C2orf42: variants seen among roughly 807,000 people sequenced by gnomAD.
The protein encoded by C2orf42 is chromosome 2 open reading frame 42.
C2orf42 carries 44 observed loss-of-function variants against 58.9 expected under a neutral mutation model. The ratio of observed to expected loss-of-function variants is 0.75; its 90% CI spans 0.59 to 0.96. The LOEUF (loss-of-function observed/expected upper bound fraction) is 0.96, where lower values mean the gene tolerates loss of function less well. C2orf42 is among the 40% of genes least tolerant of loss of function. The pLI, the probability that C2orf42 is intolerant of heterozygous loss-of-function variation, is 0.00. For synonymous variants in C2orf42, 239 were observed against 265.4 expected (o/e 0.90, Z 0.97); for missense variants, 630 against 699.2 (o/e 0.90, Z 1.12).
At chr2:70,186,242 T>C (rs1280027926) in intron 1 of C2orf42, among the ~76,000 whole-genome samples, 1 of 152,076 alleles carries the variant, frequency 6.6e-6, no homozygotes, top group African/African-American at 2.4e-5. Context: ...CCAAGTCCTT[T>C]AACTTCTGAG....
At chr2:70,189,545 GTC>G (rs1372006976) in intron 1 of C2orf42, among the ~76,000 whole-genome samples, 1 of 148,820 alleles carries the variant, frequency 6.7e-6, no homozygotes, top group East Asian at 2.0e-4. Context: ...GTGAAACCCT[GTC>G]TCTACTAAAA....
At chr2:70,179,284 C>A (rs2103616925) in intron 4 of C2orf42, among the ~76,000 whole-genome samples, 1 of 152,086 alleles carries the variant, frequency 6.6e-6, no homozygotes, top group Admixed American at 6.6e-5. Flanking sequence ...CATAATATTT[C>A]TTGGCCAGGT....
At chr2:70,172,081 A>AGGCGTAGTG (rs1368490901) in intron 5 of C2orf42, among the ~76,000 whole-genome samples, 6 of 151,772 alleles carry the variant, frequency 4.0e-5, no homozygotes, top group Non-Finnish European at 8.8e-5. Context: ...AAAATTAGCC[A>AGGCGTAGTG]GGCGTAGTGG....
At chr2:70,162,172 C>G (rs28832286) in intron 8 of C2orf42, among the ~76,000 whole-genome samples, 1 of 151,510 alleles carries the variant, frequency 6.6e-6, no homozygotes, top group Non-Finnish European at 1.5e-5. Context: ...CCACCACGCC[C>G]GGCTAATTTT....
At chr2:70,182,320 G>C (rs959871152) in intron 2 of C2orf42, 3 of 193,992 alleles carry the variant, frequency 1.5e-5, no homozygotes, top group African/African-American at 7.0e-5. Flanking sequence ...GGCTGGCCTC[G>C]AACTCCTGAC....
At position 70,154,068 on chromosome 2, in the gene C2orf42, C is replaced by CAAA. The variant is rs1306246622; in HGVS notation, c.1517-3507_1517-3505dup. ...ACTCTGTCTCAAAAAAACAAACAAACAAACAAAAAAAAAAACACAGAAATT... is the reference window on the plus strand; with the variant it reads ...ACTCTGTCTCAAAAAAACAAACAAACAAAAAACAAAAAAAAAAACACAGAAATT... On this transcript the variant is annotated intron_variant, in intron 9 of 9. Transcript: ENST00000264434. 9.8e-4 allele frequency among the ~76,000 whole-genome samples: 107 copies of CAAA among 109,066 alleles called. No individual in the cohort carries two copies. The East Asian group carries it at 0.014, about 14-fold the overall frequency. The allele number at this position is 109,066 out of a possible 152,430, so 71.6% of individuals were successfully genotyped here. A position where few individuals can be genotyped will look rare whatever the true frequency, so the allele number is the denominator to read the frequency against.
intron 1 of C2orf42, among the ~76,000 whole-genome samples, chr2:70,185,732 TAC>T (rs752766781): frequency 4.7e-5 from 7 of 149,360 alleles, no homozygotes; most frequent in African/African-American, 7.5e-5. Context: ...TATATATATA[TAC>T]ACACACACAC....
chr2:70,164,208 T>C (rs1336012154), intron 8 of C2orf42, among the ~76,000 whole-genome samples: 1 of 151,050 alleles, frequency 6.6e-6, no homozygotes, highest in East Asian at 1.9e-4. Flanking sequence ...GAGGCTGAGG[T>C]GGGAGGATCA....
intron 1 of C2orf42, among the ~76,000 whole-genome samples, chr2:70,186,763 C>A (rs1478934109): frequency 6.6e-6 from 1 of 152,124 alleles, no homozygotes; most frequent in African/African-American, 2.4e-5. Flanking sequence ...CCATGGAATA[C>A]TATGCAGCCA....
chr2:70,158,686 G>A (rs952897342), intron 9 of C2orf42, among the ~76,000 whole-genome samples: 5 of 151,708 alleles, frequency 3.3e-5, no homozygotes, highest in South Asian at 2.1e-4. Flanking sequence ...CTGACCTCGT[G>A]ATCTGCCCGC....
chr2:70,188,278 C>G (rs1675088468), intron 1 of C2orf42, among the ~76,000 whole-genome samples: 1 of 152,036 alleles, frequency 6.6e-6, no homozygotes, highest in South Asian at 2.1e-4. Flanking sequence ...ACCTCTGCCT[C>G]CCGGGTTCAA....
At chr2:70,165,255 T>C in intron 7 of C2orf42, 63 bp from the exon 8 acceptor site, 1 of 955,732 alleles carries the variant, frequency 1.0e-6, no homozygotes, top group Non-Finnish European at 1.7e-6. Context: ...TTGTTGTATT[T>C]GTTACCTAGT....
rs550388807 is a variant in C2orf42, at chr2:70,160,691, T to G, written c.1450A>C (p.Thr484Pro). 6.2e-7 allele frequency: 1 copy of G among 1,613,556 alleles called. No individual in the cohort carries two copies. Among genetic ancestry groups the G allele is most frequent in the Non-Finnish European group, 8.5e-7 (1 of 1,179,744 alleles). The part of the protein sequence containing the change: ...PKVEVESIAE[T>P]YGRIEKQPVL... ...GGTTGTTTTTCTATACGACCGTAGG[T>G]TTCTGCTATGCTTTCTACTTCCACT... Residue 484 changes from threonine to proline, a missense_variant, in exon 9 of 10, where the codon ACC (threonine) becomes CCC (proline). Transcript: ENST00000264434.
rs556900968 is a variant in C2orf42 at position 70,183,342 on chromosome 2, G to T, written c.-281-407C>A. On this transcript the variant is annotated intron_variant, in intron 1 of 9. Transcript: ENST00000264434. ...AGTCCCAGCTACGTTGGAGGCAGAG[G>T]TGGGAGGATCACCTGAGTCCAGGAG... is the stretch of plus-strand genomic sequence containing the variant. Among the ~76,000 whole-genome samples, 5 of 152,172 alleles carry T rather than the reference G, an allele frequency of 3.3e-5. No homozygotes were observed. In the South Asian group the frequency reaches 1.0e-3, roughly 32 times the overall value.
rs145282256 is a variant in C2orf42, at chr2:70,179,887, C to T, written c.824-245G>A. Reference sequence around the variant, plus strand: ...CAGGAGGGTCAAGGCTGTAATGAGCCGTGATTATGTCACTGCATGCCAGCC... The same window carrying T: ...CAGGAGGGTCAAGGCTGTAATGAGCTGTGATTATGTCACTGCATGCCAGCC... On this transcript the variant is annotated intron_variant, in intron 3 of 9. Coordinates refer to ENST00000264434, the MANE Select transcript of C2orf42 (RefSeq NM_017880.3). 1.3e-4 allele frequency among the ~76,000 whole-genome samples: 20 copies of T among 151,914 alleles called. No homozygotes were observed. In the East Asian group the frequency reaches 3.1e-3, roughly 24 times the overall value.
chr2:70,161,933 C>G (rs1334293920), intron 8 of C2orf42, among the ~76,000 whole-genome samples: 1 of 151,950 alleles, frequency 6.6e-6, no homozygotes, highest in East Asian at 1.9e-4. Context: ...CCTCCAACTC[C>G]CAGGCTCAAG....
At chr2:70,182,619 A>G (rs1185165072) in intron 2 of C2orf42, 48 bp downstream of exon 2, 2 of 152,222 alleles carry the variant, frequency 1.3e-5, no homozygotes, top group African/African-American at 2.4e-5. Flanking sequence ...ATGAAAGATG[A>G]GTTTTTTTCC....
rs557677191 is a variant in C2orf42 at position 70,155,668 on chromosome 2, C to T, written c.1516+4957G>A. The stretch of plus-strand genomic sequence containing the variant: ...ACAAAAAATTAGCCAGGCGTGGTGG[C>T]GGGTGCCTGTAGTCCCAGCTACTCG... On this transcript the variant is annotated intron_variant, in intron 9 of 9. Coordinates refer to ENST00000264434, the MANE Select transcript of C2orf42 (RefSeq NM_017880.3). Among the ~76,000 whole-genome samples the T allele has an allele frequency of 2.3e-3, 354 of 151,564 alleles. 1 individual carries two copies. Among genetic ancestry groups the T allele is most frequent in the African/African-American group, 8.2e-3 (339 of 41,336 alleles).
At chr2:70,186,099 C>T (rs1674916052) in intron 1 of C2orf42, among the ~76,000 whole-genome samples, 1 of 151,760 alleles carries the variant, frequency 6.6e-6, no homozygotes, top group African/African-American at 2.4e-5. Flanking sequence ...CCTGTTCACA[C>T]AGCATTCCTT....
Sources: allele counts gnomAD v4.1 joint callset (sites outside exome capture counted in the v4.1 genomes callset), GRCh38; gene constraint gnomAD v4.1.1; transcripts MANE v1.5; gene names NCBI Gene and HGNC (gene_info 2026-07-23, HGNC 2026-07-21).